Variants in KIF27 observed in about 807,000 individuals in gnomAD.
KIF27 encodes the protein kinesin family member 27, also known as kinesin-like protein KIF27.
In KIF27, 84 loss-of-function variants were observed where a neutral mutation model predicts 141.8. That is an observed-to-expected ratio of 0.59 (90% CI 0.50 to 0.71). The LOEUF (loss-of-function observed/expected upper bound fraction) is 0.71, where lower values mean the gene tolerates loss of function less well. Ranked by LOEUF, KIF27 falls within the 30% of genes least tolerant of loss-of-function variation. KIF27 has a pLI of 0.00. For synonymous variants in KIF27, 471 were observed against 569.5 expected, an observed-to-expected ratio of 0.83 and a Z score of 2.46; for missense variants, 1,306 against 1,628.4, an observed-to-expected ratio of 0.80 and a Z score of 3.41.
chr9:83,891,514 G>A lies in KIF27; in HGVS notation c.1603-13C>T, dbSNP rs1952678915. On this transcript the variant is annotated splice_polypyrimidine_tract_variant and intron_variant, in intron 5 of 17. Coordinates refer to ENST00000297814, the MANE Select transcript of KIF27 (RefSeq NM_017576.4). ...TTATTTTTTCATTCTTTGTAGAAGA[G>A]AGATGAAAATTTTTAATATAGAGCA... 3.1e-6 allele frequency: 5 copies of A among 1,594,812 alleles called. No individual in the cohort carries two copies. Among genetic ancestry groups the A allele is most frequent in the Non-Finnish European group, 4.3e-6 (5 of 1,169,010 alleles).
intron 15 of KIF27, among the ~76,000 whole-genome samples, chr9:83,852,487 C>T (rs1399892838): frequency 3.3e-5 from 5 of 151,824 alleles, no homozygotes; most frequent in Non-Finnish European, 7.4e-5. Flanking sequence ...TGTCAAAGCA[C>T]TCCACTATCT....
intron 14 of KIF27, among the ~76,000 whole-genome samples, chr9:83,856,323 C>T (rs1466408813): frequency 1.3e-5 from 2 of 151,982 alleles, no homozygotes; most frequent in Non-Finnish European, 2.9e-5. Context: ...TTTATGTTCT[C>T]GGCAGGGTGT....
intron 17 of KIF27, 32 bp downstream of exon 17, chr9:83,842,205 A>T: frequency 6.8e-7 from 1 of 1,476,416 alleles, no homozygotes; most frequent in Non-Finnish European, 8.9e-7. Context: ...CTAGAGAAAC[A>T]GTGTTAAGAG....
intron 17 of KIF27, among the ~76,000 whole-genome samples, chr9:83,841,186 T>A (rs1193306086): frequency 2.6e-5 from 4 of 152,144 alleles, no homozygotes; most frequent in Admixed American, 6.5e-5. Context: ...TTCTCCTGCC[T>A]CAGCCTCCTG....
At chr9:83,838,257 G>A (rs1407548613) in intron 17 of KIF27, among the ~76,000 whole-genome samples, 1 of 150,506 alleles carries the variant, frequency 6.6e-6, no homozygotes, top group African/African-American at 2.5e-5. Context: ...TTTTTGAGAC[G>A]GAGTCTCGCT....
rs116478439 is a variant in KIF27, at chr9:83,884,264, G to A, written c.2240-246C>T. ...CAGTCTCACTGGTTCAATGTTTGGC[G>A]TTTTAGAGTGACATCTCTGGTCCTC... is the stretch of plus-strand genomic sequence containing the variant. On this transcript the variant is annotated intron_variant, in intron 9 of 17. Coordinates refer to ENST00000297814, the MANE Select transcript of KIF27 (RefSeq NM_017576.4). Among the ~76,000 whole-genome samples, 426 of 152,096 alleles carry A rather than the reference G, an allele frequency of 2.8e-3. 1 individual carries two copies. Among genetic ancestry groups the A allele is most frequent in the African/African-American group, 9.2e-3 (380 of 41,480 alleles).
intron 4 of KIF27, among the ~76,000 whole-genome samples, chr9:83,900,887 A>G (rs76999844): frequency 6.9e-6 from 1 of 145,052 alleles, no homozygotes; most frequent in African/African-American, 2.5e-5. Flanking sequence ...TACCTTTCAG[A>G]AAAAAAAAAA....
rs1395030291 is a variant in KIF27 at position 83,848,338 on chromosome 9, T to C, written c.3556+1761A>G. 4.5e-5 allele frequency among the ~76,000 whole-genome samples: 6 copies of C among 132,220 alleles called. 2 individuals are homozygous for C. The highest frequency in any genetic ancestry group is 9.3e-5 in the Non-Finnish European group (6 of 64,764). The allele number at this position is 132,220 out of a possible 152,430, so 86.7% of individuals were successfully genotyped here. On this transcript the variant is annotated intron_variant, in intron 16 of 17. Coordinates refer to ENST00000297814, the MANE Select transcript of KIF27 (RefSeq NM_017576.4). Reference sequence around the variant, plus strand: ...TATCATATATCTATATATCTATATATATCTATGTATCTATATATATCTACA... The same window carrying C: ...TATCATATATCTATATATCTATATACATCTATGTATCTATATATATCTACA...
chr9:83,879,768 G>T (rs985676926), intron 11 of KIF27, among the ~76,000 whole-genome samples: 14 of 152,108 alleles, frequency 9.2e-5, no homozygotes, highest in Non-Finnish European at 2.1e-4. Context: ...AGTGAGCTAG[G>T]ATTTGAACCT....
At chr9:83,881,469 G>C (rs1438193618) in intron 10 of KIF27, among the ~76,000 whole-genome samples, 1 of 152,210 alleles carries the variant, frequency 6.6e-6, no homozygotes, top group African/African-American at 2.4e-5. Context: ...AGGCACTGCT[G>C]CTTAGAGCAG....
At chr9:83,852,779 C>A (rs1156619310) in intron 15 of KIF27, among the ~76,000 whole-genome samples, 1 of 152,090 alleles carries the variant, frequency 6.6e-6, no homozygotes, top group Non-Finnish European at 1.5e-5. Flanking sequence ...CAGGTGTATG[C>A]TACCATACCC....
intron 5 of KIF27, among the ~76,000 whole-genome samples, chr9:83,892,103 C>A (rs1448395655): frequency 4.6e-5 from 7 of 152,104 alleles, no homozygotes; most frequent in African/African-American, 1.4e-4. Context: ...TTTTGTGTAT[C>A]CTCTAAAGAA....
chr9:83,880,062 A>C lies in KIF27; in HGVS notation c.2643+235T>G, dbSNP rs1951549071. ...ATTAAAGTTAGGATCCTACTAAGAG[A>C]AATTATCATTGTACCTTCTTTTGTG... On this transcript the variant is annotated intron_variant, in intron 11 of 17. Coordinates refer to ENST00000297814, the MANE Select transcript of KIF27 (RefSeq NM_017576.4). 3.5e-5 allele frequency: 20 copies of C among 578,062 alleles called. 1 individual carries two copies. The South Asian group carries it at 5.1e-4, about 15-fold the overall frequency. The allele number at this position is 578,062 out of a possible 1,614,324, so 35.8% of individuals were successfully genotyped here.
At position 83,889,079 on chromosome 9, in the gene KIF27, C is replaced by T; in HGVS notation, c.1979+5G>A. ...ATTTATTAAATCAGTGTATATTTAA[C>T]ATACCTAGTTCCAGATTTCTCTTGG... On this transcript the variant is annotated splice_donor_5th_base_variant and intron_variant, in intron 7 of 17. Transcript: ENST00000297814. The T allele has an allele frequency of 6.2e-7, 1 of 1,609,036 alleles. No homozygotes were observed. Among genetic ancestry groups the T allele is most frequent in the Non-Finnish European group, 8.5e-7 (1 of 1,176,862 alleles).
rs141409532 is a variant in KIF27 at position 83,859,456 on chromosome 9, T to C, written c.2935-85A>G. On this transcript the variant is annotated intron_variant, in intron 13 of 17. Transcript: ENST00000297814. The stretch of plus-strand genomic sequence containing the variant: ...AAAATTAGGAAAAACATAGAGAAAA[T>C]TGCTAAATGAATATATTTTTAGTTT... 6.1e-3 allele frequency: 5,238 copies of C among 858,150 alleles called. 212 individuals carry two copies. The African/African-American group carries it at 0.081, about 13-fold the overall frequency. 53.2% of individuals were successfully genotyped at this position (858,150 alleles called of 1,614,324 possible).
intron 11 of KIF27, among the ~76,000 whole-genome samples, chr9:83,879,039 G>A (rs1951456828): frequency 6.6e-6 from 1 of 150,726 alleles, no homozygotes. Context: ...TTAGCCGGGC[G>A]TGGTGGTGCA....
chr9:83,895,241 G>A (rs1411654330), intron 5 of KIF27, among the ~76,000 whole-genome samples: 2 of 147,000 alleles, frequency 1.4e-5, no homozygotes, highest in Non-Finnish European at 3.0e-5. Flanking sequence ...CAGCCTGGGT[G>A]ACACAGTGAG....
chr9:83,906,990 A>G (rs906437014), intron 3 of KIF27, among the ~76,000 whole-genome samples: 3 of 151,808 alleles, frequency 2.0e-5, no homozygotes, highest in Non-Finnish European at 4.4e-5. Context: ...GCAAGTATAC[A>G]TTTTTAAAAA....
In KIF27 at chr9:83,848,065, TATATG is replaced by T. The variant is rs1481889833; in HGVS notation, c.3556+2029_3556+2033del. Among the ~76,000 whole-genome samples the T allele has an allele frequency of 9.4e-4, 10 of 10,642 alleles. No individual in the cohort carries two copies. The East Asian group carries it at 0.03, about 32-fold the overall frequency. 7.0% of individuals were successfully genotyped at this position (10,642 alleles called of 152,430 possible). A position where few individuals can be genotyped will look rare whatever the true frequency, so the allele number is the denominator to read the frequency against. On this transcript the variant is annotated intron_variant, in intron 16 of 17. Coordinates refer to ENST00000297814, the MANE Select transcript of KIF27 (RefSeq NM_017576.4). Reference sequence around the variant, plus strand: ...TATCTACATATATCTATATATCATATATATGATATATGATATATCATATATATGAT... The same window carrying T: ...TATCTACATATATCTATATATCATATATATATGATATATCATATATATGAT...
Sources: allele counts gnomAD v4.1 joint callset (sites outside exome capture counted in the v4.1 genomes callset), GRCh38; gene constraint gnomAD v4.1.1; transcripts MANE v1.5; gene names NCBI Gene and HGNC (gene_info 2026-07-23, HGNC 2026-07-21).